The following UBR2 variants were observed in gnomAD, a reference collection of about 807,000 sequenced individuals.
UBR2 encodes E3 ubiquitin-protein ligase UBR2.
A neutral mutation model predicts 247.9 loss-of-function variants in UBR2; 92 were observed. That is an observed-to-expected ratio of 0.37 (90% CI 0.31 to 0.44). The LOEUF is 0.44. Among genes scored for constraint, UBR2 ranks in the 20% least tolerant of loss-of-function variants. UBR2 has a pLI of 1.00. For synonymous variants in UBR2, 672 were observed against 693.5 expected (o/e 0.97, Z 0.49); for missense variants, 1,613 against 2,112.6 (o/e 0.76, Z 4.64).
intron 41 of UBR2, among the ~76,000 whole-genome samples, chr6:42,679,439 C>T (rs1041142616): frequency 5.3e-5 from 8 of 152,266 alleles, no homozygotes; most frequent in African/African-American, 1.9e-4. Flanking sequence ...TTCACAATAA[C>T]CCTGTGCAGT....
At chr6:42,619,447 A>ATATG (rs1794808309) in intron 11 of UBR2, 2 of 29,622 alleles carry the variant, frequency 6.8e-5, no homozygotes, top group African/African-American at 2.1e-4. Flanking sequence ...ATATATATAT[A>ATATG]TATATATTTT....
Position 42,676,112 on chromosome 6 carries a change from C to A in UBR2, c.4308C>A (p.Ser1436Arg), listed in dbSNP as rs1798705047. ...ALQCQDFSGI[S>R]LGTGDLHIFH... ...AGTGTCAGGATTTTTCAGGGATCAG[C>A]CTTGGCACTGGAGACCTTCACATTT... is the stretch of plus-strand genomic sequence containing the variant. Residue 1436 changes from serine to arginine, a missense_variant, in exon 39 of 47, where the codon AGC (serine) becomes AGA (arginine). By Grantham distance (110) the Ser-to-Arg change is moderately radical. This residue lies in a region of UBR2 where 1,524 missense variants were observed against 1,967.3 expected (regional missense o/e 0.77). Coordinates refer to ENST00000372901, the MANE Select transcript of UBR2 (RefSeq NM_001363705.2). 1 of 1,613,694 alleles carries A rather than the reference C, an allele frequency of 6.2e-7. No homozygotes were observed. Among genetic ancestry groups the A allele is most frequent in the Non-Finnish European group, 8.5e-7 (1 of 1,179,946 alleles).
intron 15 of UBR2, among the ~76,000 whole-genome samples, chr6:42,639,607 C>T (rs1796302155): frequency 6.6e-6 from 1 of 152,096 alleles, no homozygotes. Flanking sequence ...TTCTGGGGAA[C>T]TTAATTCAAA....
chr6:42,623,729 C>T (rs966641474), intron 11 of UBR2, among the ~76,000 whole-genome samples: 1 of 152,118 alleles, frequency 6.6e-6, no homozygotes, highest in African/African-American at 2.4e-5. Context: ...GGATTACAGG[C>T]GTGAGCCACT....
At position 42,658,087 on chromosome 6, in the gene UBR2, C is replaced by T. The variant is rs994182728; in HGVS notation, c.2936C>T (p.Ala979Val). 2 of 1,614,086 alleles carry T rather than the reference C, an allele frequency of 1.2e-6. No individual in the cohort carries two copies. Among genetic ancestry groups the T allele is most frequent in the Non-Finnish European group, 1.7e-6 (2 of 1,179,974 alleles). Residue 979 changes from alanine (A) to valine (V), a missense_variant, in exon 27 of 47, where the codon GCT becomes GTT. Coordinates refer to ENST00000372901, the MANE Select transcript of UBR2 (RefSeq NM_001363705.2). ...GCTATGCTGGAAACACTACAAAATG[C>T]TCCCTACCTAGAAGTCCACAAAGAC... ...ILAMLETLQN[A>V]PYLEVHKDMI...
At chr6:42,616,292 TATAAC>T (rs1275773804) in intron 10 of UBR2, among the ~76,000 whole-genome samples, 1 of 152,150 alleles carries the variant, frequency 6.6e-6, no homozygotes, top group African/African-American at 2.4e-5. Context: ...CATCACCTCC[TATAAC>T]ATGAGTATCT....
At chr6:42,677,431 C>G (rs1562393492) in intron 40 of UBR2, among the ~76,000 whole-genome samples, 1 of 151,998 alleles carries the variant, frequency 6.6e-6, no homozygotes, top group African/African-American at 2.4e-5. Context: ...TTCTGAGAAC[C>G]TACATTAACA....
At chr6:42,635,297 A>ATCCTG (rs1340125222) in intron 13 of UBR2, 121 bp from the exon 14 acceptor site, 1 of 1,018,206 alleles carries the variant, frequency 9.8e-7, no homozygotes, top group African/African-American at 1.6e-5. Flanking sequence ...TTTCCTGTTA[A>ATCCTG]AACTTATACC....
intron 2 of UBR2, among the ~76,000 whole-genome samples, chr6:42,576,916 T>G (rs1233925563): frequency 6.6e-6 from 1 of 152,132 alleles, no homozygotes; most frequent in Non-Finnish European, 1.5e-5. Context: ...ACAGAGACAC[T>G]CTGATCACAT....
intron 1 of UBR2, among the ~76,000 whole-genome samples, chr6:42,572,795 C>G (rs1284305475): frequency 6.6e-6 from 1 of 152,038 alleles, no homozygotes; most frequent in Non-Finnish European, 1.5e-5. Context: ...CCTCTGCCTC[C>G]TGGGTTTAAG....
chr6:42,566,065 G>A (rs1262534294), intron 1 of UBR2, among the ~76,000 whole-genome samples: 1 of 151,952 alleles, frequency 6.6e-6, no homozygotes, highest in Admixed American at 6.6e-5. Context: ...GATATCTGTT[G>A]CTTACCTCAA....
intron 8 of UBR2, among the ~76,000 whole-genome samples, chr6:42,614,439 C>CGTATATACATACGTATATATGTATGTAT (rs1794403451): frequency 2.2e-5 from 2 of 91,996 alleles, no homozygotes; most frequent in Non-Finnish European, 4.6e-5. Context: ...TATGTATGTA[C>CGTATATACATACGTATATATGTATGTAT]GTACATATAT....
At chr6:42,652,372 A>G in intron 24 of UBR2, 119 bp from the exon 25 acceptor site, 1 of 1,205,020 alleles carries the variant, frequency 8.3e-7, no homozygotes, top group South Asian at 1.6e-5. Context: ...ATGTAAAATA[A>G]TAGCTTTAAG....
chr6:42,576,463 G>GC (rs1038132248), intron 2 of UBR2, among the ~76,000 whole-genome samples: 5 of 149,194 alleles, frequency 3.4e-5, no homozygotes, highest in East Asian at 3.9e-4. Flanking sequence ...CTGCATAATT[G>GC]CCCCCCTTTA....
chr6:42,619,616 G>T, intron 11 of UBR2: 1 of 172,544 alleles, frequency 5.8e-6, no homozygotes, highest in Non-Finnish European at 1.2e-5. Flanking sequence ...AGGCGTGGTG[G>T]CGCACGCCTG....
intron 11 of UBR2, among the ~76,000 whole-genome samples, chr6:42,622,711 G>C (rs987581613): frequency 6.6e-6 from 1 of 151,818 alleles, no homozygotes; most frequent in Non-Finnish European, 1.5e-5. Context: ...GCCTGTTTTT[G>C]GCTTTTGATT....
At position 42,603,698 on chromosome 6, in the gene UBR2, G is replaced by A; in HGVS notation, c.642G>A (p.Leu214=). 6.3e-7 allele frequency: 1 copy of A among 1,597,204 alleles called. No homozygotes were observed. Among genetic ancestry groups the A allele is most frequent in the Admixed American group, 1.8e-5 (1 of 54,492 alleles). ...EILTWEKESE[L]PADLEMVEKS... ...TAACCTGGGAAAAAGAAAGTGAATT[G>A]CCAGCAGATTTAGAGATGGTGTAAG... Residue 214 remains leucine, a synonymous_variant, in exon 5 of 47, where the codon TTG becomes TTA. Coordinates refer to ENST00000372901, the MANE Select transcript of UBR2 (RefSeq NM_001363705.2).
At chr6:42,658,395 A>G in intron 28 of UBR2, 75 bp downstream of exon 28, 1 of 1,374,968 alleles carries the variant, frequency 7.3e-7, no homozygotes, top group Non-Finnish European at 1.0e-6. Flanking sequence ...ATTTATCTAC[A>G]TTAAGTTGCC....
chr6:42,603,869 T>C, intron 5 of UBR2, 151 bp downstream of exon 5: 1 of 838,126 alleles, frequency 1.2e-6, no homozygotes, highest in South Asian at 2.1e-5. Context: ...TCCATTTAAT[T>C]GGTGGAGATT....
Sources: gnomAD v4.1 joint callset for allele counts (sites outside exome capture counted in the v4.1 genomes callset) on GRCh38, gnomAD v4.1.1 for gene constraint, gnomAD v4.1.1 regional missense constraint, MANE v1.5 for transcripts, NCBI Gene and HGNC (gene_info 2026-07-23, HGNC 2026-07-21) for gene names.